NAA25: variants seen among roughly 807,000 people sequenced by gnomAD.
The protein encoded by NAA25 is N-alpha-acetyltransferase 25, NatB auxiliary subunit, also known as N-terminal acetyltransferase B complex subunit NAA25.
In NAA25, 30 loss-of-function variants were observed where a neutral mutation model predicts 132.5. The ratio of observed to expected loss-of-function variants is 0.23; its 90% confidence interval spans 0.17 to 0.31. NAA25 has a LOEUF of 0.31. NAA25 is among the 10% of genes least tolerant of loss of function. The probability of loss-of-function intolerance (pLI) is 1.00; values close to 1 mark genes in which losing one functional copy is unlikely to be tolerated. For synonymous variants in NAA25, 359 were observed against 401.9 expected (o/e 0.89, Z 1.28); for missense variants, 771 against 1,150.4 (o/e 0.67, Z 4.77).
intron 11 of NAA25, chr12:112,064,272 C>G (rs2078680747): frequency 6.6e-6 from 1 of 152,294 alleles, no homozygotes; most frequent in African/African-American, 2.4e-5. Flanking sequence ...GTTGCCCAGG[C>G]TGGAGTGCTG....
At chr12:112,077,602 A>G (rs1290737672) in intron 7 of NAA25, among the ~76,000 whole-genome samples, 1 of 152,130 alleles carries the variant, frequency 6.6e-6, no homozygotes, top group Non-Finnish European at 1.5e-5. Context: ...TGGGCAAAAC[A>G]GTGAGACCTC....
intron 5 of NAA25, 63 bp from the exon 6 acceptor site, chr12:112,078,804 T>C: frequency 1.6e-6 from 2 of 1,241,330 alleles, no homozygotes; most frequent in South Asian, 2.6e-5. Flanking sequence ...GATATTAACA[T>C]TACTGTTAAT....
chr12:112,029,619 T>A lies in NAA25; in HGVS notation c.2831A>T (p.Lys944Met). The A allele has an allele frequency of 6.2e-7, 1 of 1,613,928 alleles. No homozygotes were observed. The highest frequency in any genetic ancestry group is 8.5e-7 in the Non-Finnish European group (1 of 1,179,936). The change falls in exon 24 of 24, where the codon AAG becomes ATG. Residue 944 changes from lysine to methionine, a missense_variant. This residue lies in a region of NAA25 where 324 missense variants were observed against 400.0 expected (regional missense o/e 0.81). Coordinates refer to ENST00000261745, the MANE Select transcript of NAA25 (RefSeq NM_024953.4). ...ERKFSKTVQG[K>M]VQSSYLHSLL... ...TGAGTGCAGATAACTGCTCTGCACC[T>A]TCCCTTGCACAGTCTTTGAAAATTT...
At chr12:112,067,887 C>T (rs887340586) in intron 11 of NAA25, among the ~76,000 whole-genome samples, 1 of 152,004 alleles carries the variant, frequency 6.6e-6, no homozygotes, top group African/African-American at 2.4e-5. Context: ...ACGTGCTCAC[C>T]ACCACACCCA....
At chr12:112,043,039 A>G in intron 19 of NAA25, 49 bp downstream of exon 19, 14 of 1,510,140 alleles carry the variant, frequency 9.3e-6, no homozygotes, top group Non-Finnish European at 1.2e-5. Context: ...TATTACGTGT[A>G]CTACATTTTC....
chr12:112,097,061 G>A (rs2079222133), intron 1 of NAA25, among the ~76,000 whole-genome samples: 1 of 152,180 alleles, frequency 6.6e-6, no homozygotes, highest in Non-Finnish European at 1.5e-5. Context: ...TGAAGGGGTA[G>A]GACTAGATGA....
At chr12:112,046,381 G>A (rs1489758686) in intron 17 of NAA25, among the ~76,000 whole-genome samples, 2 of 152,124 alleles carry the variant, frequency 1.3e-5, no homozygotes, top group African/African-American at 2.4e-5. Flanking sequence ...TTTCCCTTCC[G>A]GATTCTGTCA....
intron 17 of NAA25, among the ~76,000 whole-genome samples, chr12:112,046,700 A>G (rs1387914327): frequency 1.3e-5 from 2 of 152,220 alleles, no homozygotes; most frequent in Non-Finnish European, 2.9e-5. Flanking sequence ...ATGCATAATA[A>G]GTATTTACCA....
intron 1 of NAA25, among the ~76,000 whole-genome samples, chr12:112,100,786 AT>A (rs1221715703): frequency 6.6e-6 from 1 of 150,810 alleles, no homozygotes; most frequent in Non-Finnish European, 1.5e-5. Flanking sequence ...CGCCCGGAGA[AT>A]TTTTTGTATT....
Position 112,026,753 on chromosome 12 carries a change from C to T in NAA25, c.*2778G>A, listed in dbSNP as rs1297064858. 2.0e-5 allele frequency: 3 copies of T among 152,140 alleles called. No homozygotes were observed. Among genetic ancestry groups the T allele is most frequent in the African/African-American group, 4.8e-5 (2 of 41,416 alleles). 9.4% of individuals were successfully genotyped at this position (152,140 alleles called of 1,614,324 possible). A position where few individuals can be genotyped will look rare whatever the true frequency, so the allele number is the denominator to read the frequency against. ...TCCAGTTTAAAGTAGATTTGCTATG[C>T]TTCACTTACTTAAGGAAGAATATAT... On this transcript the variant is annotated 3_prime_UTR_variant, in exon 24 of 24. Transcript: ENST00000261745.
intron 5 of NAA25, among the ~76,000 whole-genome samples, chr12:112,079,160 A>ACCTTAATTTAAGGTAGTT (rs1160962070): frequency 6.6e-6 from 1 of 152,224 alleles, no homozygotes; most frequent in Non-Finnish European, 1.5e-5. Flanking sequence ...ACTAGTAGCT[A>ACCTTAATTTAAGGTAGTT]GTTACCTTAA....
Position 112,043,051 on chromosome 12 carries a change from A to G in NAA25, c.2374+37T>C. ...TTTTATTACGTGTACTACATTTTCTATGACAAAGACCCTATAAACACACAG... is the reference window on the plus strand; with the variant it reads ...TTTTATTACGTGTACTACATTTTCTGTGACAAAGACCCTATAAACACACAG... On this transcript the variant is annotated intron_variant, in intron 19 of 23. Coordinates refer to ENST00000261745, the MANE Select transcript of NAA25 (RefSeq NM_024953.4). 3 of 1,541,722 alleles carry G rather than the reference A, an allele frequency of 1.9e-6. No individual in the cohort carries two copies. The South Asian group carries it at 3.6e-5, about 19-fold the overall frequency.
intron 1 of NAA25, among the ~76,000 whole-genome samples, chr12:112,098,165 C>G (rs2079243196): frequency 7.0e-6 from 1 of 142,726 alleles, no homozygotes; most frequent in Non-Finnish European, 1.5e-5. Flanking sequence ...TGAATAGACA[C>G]AGAGAAAAGC....
chr12:112,031,621 C>T (rs2078151688), intron 23 of NAA25, among the ~76,000 whole-genome samples: 1 of 152,142 alleles, frequency 6.6e-6, no homozygotes, highest in Non-Finnish European at 1.5e-5. Context: ...AACTCTTGCT[C>T]ATCATTCCAG....
chr12:112,045,486 C>CAAAAAA (rs75644384), intron 17 of NAA25, among the ~76,000 whole-genome samples: 10 of 80,522 alleles, frequency 1.2e-4, no homozygotes, highest in Non-Finnish European at 1.9e-4. Context: ...GACTCCATCA[C>CAAAAAA]AAAAAAAAAA....
At chr12:112,108,110 C>A (rs1488981333) in intron 1 of NAA25, among the ~76,000 whole-genome samples, 3 of 152,152 alleles carry the variant, frequency 2.0e-5, no homozygotes, top group Non-Finnish European at 4.4e-5. Flanking sequence ...CCCCCTCCCC[C>A]CGCCTCCCAC....
chr12:112,078,273 G>A lies in NAA25; in HGVS notation c.586-7C>T, dbSNP rs1566022675. 4 of 1,592,026 alleles carry A rather than the reference G, an allele frequency of 2.5e-6. No homozygotes were observed. The East Asian group carries it at 9.0e-5, about 36-fold the overall frequency. ...TCATATAATAAAGTTCAACCTTACA[G>A]AAAAAAAACAAGAAGTGCAACCTCT... On this transcript the variant is annotated splice_polypyrimidine_tract_variant and splice_region_variant and intron_variant, in intron 6 of 23. Coordinates refer to ENST00000261745, the MANE Select transcript of NAA25 (RefSeq NM_024953.4).
At chr12:112,030,041 C>T (rs1355015053) in intron 23 of NAA25, among the ~76,000 whole-genome samples, 1 of 151,582 alleles carries the variant, frequency 6.6e-6, no homozygotes, top group East Asian at 1.9e-4. Context: ...GGTGAAACCC[C>T]ATCTCTACTA....
chr12:112,043,328 A>G, intron 18 of NAA25, 117 bp from the exon 19 acceptor site: 1 of 1,078,122 alleles, frequency 9.3e-7, no homozygotes, highest in Non-Finnish European at 1.3e-6. Context: ...AAAAGCCACT[A>G]ATCAGCAAAC....
Sources: gnomAD v4.1 joint callset for allele counts (sites outside exome capture counted in the v4.1 genomes callset) on GRCh38, gnomAD v4.1.1 for gene constraint, gnomAD v4.1.1 regional missense constraint, MANE v1.5 for transcripts, NCBI Gene and HGNC (gene_info 2026-07-23, HGNC 2026-07-21) for gene names.